The following ANKIB1 variants were observed in gnomAD, a reference collection of about 807,000 sequenced individuals.
ANKIB1 encodes the protein ankyrin repeat and IBR domain containing 1, also known as ankyrin repeat and IBR domain-containing protein 1.
A neutral mutation model predicts 122.1 loss-of-function variants in ANKIB1; 43 were observed. That is an observed-to-expected ratio of 0.35 (90% CI 0.28 to 0.45). ANKIB1 has a LOEUF of 0.45. ANKIB1 is among the 20% of genes least tolerant of loss of function. ANKIB1 has a pLI of 1.00. For synonymous variants in ANKIB1, 390 were observed against 442.0 expected (o/e 0.88, Z 1.48); for missense variants, 992 against 1,329.5 (o/e 0.75, Z 3.95).
Position 92,246,475 on chromosome 7 carries a change from A to G in ANKIB1, c.-135A>G, listed in dbSNP as rs1454790196. 5.8e-6 allele frequency: 3 copies of G among 518,058 alleles called. No individual in the cohort carries two copies. Among genetic ancestry groups the G allele is most frequent in the Non-Finnish European group, 1.2e-5 (3 of 259,740 alleles). The allele number at this position is 518,058 out of a possible 1,614,324, so 32.1% of individuals were successfully genotyped here. A position where few individuals can be genotyped will look rare whatever the true frequency, so the allele number is the denominator to read the frequency against. On this transcript the variant is annotated 5_prime_UTR_variant, in exon 1 of 20. Transcript: ENST00000265742. ...AGGGGCGGCGGAGGCGGAACTGCGG[A>G]GTTGCTGGGTCCACCGACCCTTACC... is the stretch of plus-strand genomic sequence containing the variant.
At chr7:92,345,625 A>G (rs1170405075) in intron 7 of ANKIB1, among the ~76,000 whole-genome samples, 1 of 152,198 alleles carries the variant, frequency 6.6e-6, no homozygotes, top group African/African-American at 2.4e-5. Flanking sequence ...TTCACCATCC[A>G]TTAACTTTGC....
intron 2 of ANKIB1, among the ~76,000 whole-genome samples, chr7:92,298,768 T>TAAAAA (rs34091044): frequency 6.8e-5 from 8 of 117,616 alleles, no homozygotes; most frequent in Non-Finnish European, 3.5e-5. Context: ...CACTTGCAGT[T>TAAAAA]AAAAAAAAAA....
At position 92,344,970 on chromosome 7, in the gene ANKIB1, A is replaced by T; in HGVS notation, c.997-8A>T. The stretch of plus-strand genomic sequence containing the variant: ...TCTGTTTAAATCATTGTTCTTCTTC[A>T]TCTCCAGTGTGACATTTGTATGTGC... On this transcript the variant is annotated splice_region_variant and splice_polypyrimidine_tract_variant and intron_variant, in intron 6 of 19. Coordinates refer to ENST00000265742, the MANE Select transcript of ANKIB1 (RefSeq NM_019004.2). The T allele has an allele frequency of 6.3e-7, 1 of 1,595,360 alleles. No individual in the cohort carries two copies. The highest frequency in any genetic ancestry group is 8.6e-7 in the Non-Finnish European group (1 of 1,165,272).
chr7:92,367,849 T>G (rs557834109), intron 10 of ANKIB1, among the ~76,000 whole-genome samples: 2 of 152,172 alleles, frequency 1.3e-5, no homozygotes, highest in African/African-American at 4.8e-5. Context: ...GAGTTCAAAT[T>G]GTATTATTTA....
rs1215306647 is a variant in ANKIB1, at chr7:92,397,633, A to C, written c.2396-90A>C. The C allele has an allele frequency of 2.8e-6, 4 of 1,441,322 alleles. No homozygotes were observed. In the African/African-American group the frequency reaches 5.7e-5, roughly 20 times the overall value. 89.3% of individuals were successfully genotyped at this position (1,441,322 alleles called of 1,614,324 possible). ...GGTTTTCCCCAGCACTGAAAGAGAA[A>C]TTGCCCATCTAAACAACCAGATGTA... is the stretch of plus-strand genomic sequence containing the variant. On this transcript the variant is annotated intron_variant, in intron 18 of 19. Coordinates refer to ENST00000265742, the MANE Select transcript of ANKIB1 (RefSeq NM_019004.2).
chr7:92,330,884 C>G (rs1290572588), intron 5 of ANKIB1, among the ~76,000 whole-genome samples: 1 of 151,926 alleles, frequency 6.6e-6, no homozygotes, highest in Non-Finnish European at 1.5e-5. Context: ...TTCTTTTTAG[C>G]CCATAATAAT....
chr7:92,253,311 T>C (rs1486196371), intron 1 of ANKIB1, among the ~76,000 whole-genome samples: 2 of 152,124 alleles, frequency 1.3e-5, no homozygotes, highest in Non-Finnish European at 2.9e-5. Flanking sequence ...CTCCCTGCCA[T>C]GTAGACCATC....
At chr7:92,292,060 T>A (rs1802261283) in intron 1 of ANKIB1, among the ~76,000 whole-genome samples, 1 of 152,104 alleles carries the variant, frequency 6.6e-6, no homozygotes, top group South Asian at 2.1e-4. Context: ...TATTTTGGAG[T>A]TCCAGAAATA....
At chr7:92,332,934 G>A (rs1803200446) in intron 5 of ANKIB1, among the ~76,000 whole-genome samples, 1 of 152,142 alleles carries the variant, frequency 6.6e-6, no homozygotes, top group Non-Finnish European at 1.5e-5. Context: ...TCATGTTCTT[G>A]GAACTGAACC....
At chr7:92,271,766 T>C (rs1801798769) in intron 1 of ANKIB1, among the ~76,000 whole-genome samples, 1 of 151,998 alleles carries the variant, frequency 6.6e-6, no homozygotes. Flanking sequence ...TCCCTTAAAA[T>C]AGAACAAAAT....
chr7:92,393,406 AT>A (rs1255072538), intron 17 of ANKIB1, among the ~76,000 whole-genome samples: 2 of 152,056 alleles, frequency 1.3e-5, no homozygotes, highest in African/African-American at 2.4e-5. Context: ...CTGATCCTGT[AT>A]TTATTATTTC....
chr7:92,264,331 A>G (rs1416982935), intron 1 of ANKIB1, among the ~76,000 whole-genome samples: 2 of 152,070 alleles, frequency 1.3e-5, no homozygotes, highest in African/African-American at 2.4e-5. Context: ...AATGTTAACC[A>G]TAGTAACAAT....
chr7:92,304,021 G>A (rs965267116), intron 2 of ANKIB1, among the ~76,000 whole-genome samples: 2 of 151,508 alleles, frequency 1.3e-5, no homozygotes, highest in South Asian at 2.1e-4. Context: ...CCACCTTCCT[G>A]TTAATTATCT....
Position 92,289,686 on chromosome 7 carries a change from T to A in ANKIB1, c.-90-5203T>A, listed in dbSNP as rs191388425. On this transcript the variant is annotated intron_variant, in intron 1 of 19. Transcript: ENST00000265742. ...TGATTCTGATGCACAGGGACAAAAT[T>A]ACCATTGGTCAATAATGCATGCAAT... 1.1e-4 allele frequency among the ~76,000 whole-genome samples: 17 copies of A among 152,304 alleles called. No homozygotes were observed. In the East Asian group the frequency reaches 3.3e-3, roughly 29 times the overall value.
chr7:92,342,432 A>G (rs1296328733), intron 5 of ANKIB1, among the ~76,000 whole-genome samples: 1 of 152,212 alleles, frequency 6.6e-6, no homozygotes, highest in Non-Finnish European at 1.5e-5. Context: ...AAATGTTCAC[A>G]GTAGGAAGAT....
intron 3 of ANKIB1, among the ~76,000 whole-genome samples, chr7:92,315,033 A>G (rs1215429602): frequency 2.0e-5 from 3 of 151,980 alleles, no homozygotes; most frequent in Non-Finnish European, 4.4e-5. Context: ...AAAAAAAAGG[A>G]TGGAGGCTCT....
rs1804972292 is a variant in ANKIB1 at position 92,399,519 on chromosome 7, A to G, written c.*570A>G. 6.6e-6 allele frequency: 1 copy of G among 152,154 alleles called. No individual in the cohort carries two copies. The highest frequency in any genetic ancestry group is 1.9e-4 in the East Asian group (1 of 5,194). The allele number at this position is 152,154 out of a possible 1,614,324, so 9.4% of individuals were successfully genotyped here. On this transcript the variant is annotated 3_prime_UTR_variant, in exon 20 of 20. Transcript: ENST00000265742. The stretch of plus-strand genomic sequence containing the variant: ...TTAGTTTTAATTTTCACATGAATCA[A>G]AGGTTTCCTTTCATGTCTATTTACA...
At chr7:92,299,734 T>A (rs1173271811) in intron 2 of ANKIB1, among the ~76,000 whole-genome samples, 1 of 152,200 alleles carries the variant, frequency 6.6e-6, no homozygotes, top group Non-Finnish European at 1.5e-5. Context: ...TTTAAACATG[T>A]TGTTAATATA....
intron 1 of ANKIB1, among the ~76,000 whole-genome samples, chr7:92,247,870 T>C (rs73230404): frequency 1.3e-5 from 2 of 152,324 alleles, no homozygotes; most frequent in African/African-American, 2.4e-5. Flanking sequence ...GAAAGATGGA[T>C]GTGTTTAATG....
Sources: gnomAD v4.1 joint callset for allele counts (sites outside exome capture counted in the v4.1 genomes callset) on GRCh38, gnomAD v4.1.1 for gene constraint, MANE v1.5 for transcripts, NCBI Gene and HGNC (gene_info 2026-07-23, HGNC 2026-07-21) for gene names.